GABARAPL1: variants seen among roughly 807,000 people sequenced by gnomAD.
GABARAPL1 encodes the protein GABA type A receptor associated protein like 1, also known as gamma-aminobutyric acid receptor-associated protein-like 1.
GABARAPL1 carries 4 observed loss-of-function variants against 14.5 expected under a neutral mutation model. That is an observed-to-expected ratio of 0.28 (90% CI 0.14 to 0.63). The LOEUF (loss-of-function observed/expected upper bound fraction) is 0.63, where lower values mean the gene tolerates loss of function less well. Among genes scored for constraint, GABARAPL1 ranks in the 30% least tolerant of loss-of-function variants. The pLI, the probability that GABARAPL1 is intolerant of heterozygous loss-of-function variation, is 0.84. For missense variants in GABARAPL1, 82 were observed against 139.2 expected, an observed-to-expected ratio of 0.59 and a Z score of 2.07; for synonymous variants, 47 against 50.6, an observed-to-expected ratio of 0.93 and a Z score of 0.30.
chr12:10,216,537 C>CTTTTTTTT (rs71049067), intron 1 of GABARAPL1, among the ~76,000 whole-genome samples: 7 of 112,206 alleles, frequency 6.2e-5, no homozygotes, highest in East Asian at 2.8e-4. Flanking sequence ...ATTTTCTTTT[C>CTTTTTTTT]TTTTTTTTTT....
chr12:10,221,286 C>T, intron 3 of GABARAPL1: 1 of 965,994 alleles, frequency 1.0e-6, no homozygotes, highest in Non-Finnish European at 1.2e-6. Context: ...TTGGAAGTGT[C>T]AGAATCTGAG....
At chr12:10,221,292 C>T (rs1348634105) in intron 3 of GABARAPL1, 1 of 967,902 alleles carries the variant, frequency 1.0e-6, no homozygotes, top group Non-Finnish European at 1.2e-6. Flanking sequence ...GTGTCAGAAT[C>T]TGAGGAAACT....
At chr12:10,213,763 G>A (rs1026590606) in intron 1 of GABARAPL1, 7 of 446,482 alleles carry the variant, frequency 1.6e-5, no homozygotes, top group South Asian at 1.1e-4. Context: ...GGTTAGGGGA[G>A]CACAAGACAG....
At chr12:10,218,266 G>C in intron 2 of GABARAPL1, 125 bp downstream of exon 2, 1 of 707,620 alleles carries the variant, frequency 1.4e-6, no homozygotes, top group Non-Finnish European at 2.6e-6. Context: ...GGATGCTCTG[G>C]AGTTATCTGA....
At chr12:10,219,183 T>C (rs1949106294) in intron 2 of GABARAPL1, among the ~76,000 whole-genome samples, 1 of 151,602 alleles carries the variant, frequency 6.6e-6, no homozygotes, top group Admixed American at 6.6e-5. Context: ...GCTGGGTGTG[T>C]TGTTGGGCAC....
chr12:10,217,394 C>T (rs1484030268), intron 1 of GABARAPL1, among the ~76,000 whole-genome samples: 1 of 152,096 alleles, frequency 6.6e-6, no homozygotes, highest in Non-Finnish European at 1.5e-5. Context: ...TACAGGTGAT[C>T]AGGACCATAT....
Position 10,212,923 on chromosome 12 carries a change from T to C in GABARAPL1, c.-207T>C. 1 of 523,742 alleles carries C rather than the reference T, an allele frequency of 1.9e-6. No homozygotes were observed. Among genetic ancestry groups the C allele is most frequent in the Non-Finnish European group, 3.4e-6 (1 of 290,424 alleles). The allele number at this position is 523,742 out of a possible 1,614,324, so 32.4% of individuals were successfully genotyped here. A position where few individuals can be genotyped will look rare whatever the true frequency, so the allele number is the denominator to read the frequency against. On this transcript the variant is annotated 5_prime_UTR_variant, in exon 1 of 4. Transcript: ENST00000266458. ...GCGAAAAGCCGCCGGTATTTCTCCA[T>C]CTGGCTCTCCTCTACCTCCAGGCAG...
chr12:10,213,079 G>T lies in GABARAPL1; in HGVS notation c.-51G>T. ...GCTGAGGGAGCGGGACAGGGTCAGC[G>T]GCGAAGGAGGCAGGCCCCGCGCGGG... On this transcript the variant is annotated 5_prime_UTR_variant, in exon 1 of 4. Transcript: ENST00000266458. 1.8e-6 allele frequency: 2 copies of T among 1,132,606 alleles called. No individual in the cohort carries two copies. The highest frequency in any genetic ancestry group is 1.3e-6 in the Non-Finnish European group (1 of 761,004). 70.2% of individuals were successfully genotyped at this position (1,132,606 alleles called of 1,614,324 possible). A position where few individuals can be genotyped will look rare whatever the true frequency, so the allele number is the denominator to read the frequency against.
intron 2 of GABARAPL1, among the ~76,000 whole-genome samples, chr12:10,219,667 G>C (rs927757725): frequency 2.6e-5 from 4 of 152,080 alleles, no homozygotes; most frequent in African/African-American, 9.7e-5. Flanking sequence ...GGGCATGGTG[G>C]CGCGTGCCTG....
chr12:10,213,219 C>A lies in GABARAPL1; in HGVS notation c.90C>A (p.Pro30=), dbSNP rs1197618910. 6.9e-7 allele frequency: 1 copy of A among 1,449,932 alleles called. No individual in the cohort carries two copies. The highest frequency in any genetic ancestry group is 9.4e-7 in the Non-Finnish European group (1 of 1,065,946). 89.8% of individuals were successfully genotyped at this position (1,449,932 alleles called of 1,614,324 possible). A position where few individuals can be genotyped will look rare whatever the true frequency, so the allele number is the denominator to read the frequency against. ...GGAAGAAATATCCGGACAGGGTCCC[C>A]GTGAGTGTAGAGGAGCGGAGGGGAT... is the stretch of plus-strand genomic sequence containing the variant. ...KIRKKYPDRV[P]VIVEKAPKAR... Residue 30 remains proline, a splice_region_variant and synonymous_variant, in exon 1 of 4, where the codon CCC becomes CCA. Coordinates refer to ENST00000266458, the MANE Select transcript of GABARAPL1 (RefSeq NM_031412.4).
chr12:10,213,229 G>A lies in GABARAPL1; in HGVS notation c.90+10G>A. ...TCCGGACAGGGTCCCCGTGAGTGTA[G>A]AGGAGCGGAGGGGATGGGAGGGGAA... On this transcript the variant is annotated intron_variant, in intron 1 of 3. Coordinates refer to ENST00000266458, the MANE Select transcript of GABARAPL1 (RefSeq NM_031412.4). The A allele has an allele frequency of 1.3e-6, 2 of 1,514,876 alleles. No individual in the cohort carries two copies. The highest frequency in any genetic ancestry group is 1.8e-6 in the Non-Finnish European group (2 of 1,108,904). The allele number at this position is 1,514,876 out of a possible 1,614,324, so 93.8% of individuals were successfully genotyped here.
At chr12:10,215,745 C>G (rs762094154) in intron 1 of GABARAPL1, among the ~76,000 whole-genome samples, 1 of 152,090 alleles carries the variant, frequency 6.6e-6, no homozygotes, top group Non-Finnish European at 1.5e-5. Flanking sequence ...CCTCTTTCTG[C>G]CTTTTCCTTT....
chr12:10,216,918 AT>A (rs1592004655), intron 1 of GABARAPL1, among the ~76,000 whole-genome samples: 1 of 152,198 alleles, frequency 6.6e-6, no homozygotes, highest in East Asian at 1.9e-4. Context: ...GTTTTAGTGT[AT>A]TAAAAATATC....
rs545001290 is a variant in GABARAPL1 at position 10,218,214 on chromosome 12, T to C, written c.169+73T>C. 2.8e-5 allele frequency: 24 copies of C among 866,388 alleles called. No homozygotes were observed. The South Asian group carries it at 3.0e-4, about 11-fold the overall frequency. The allele number at this position is 866,388 out of a possible 1,614,324, so 53.7% of individuals were successfully genotyped here. On this transcript the variant is annotated intron_variant, in intron 2 of 3. Transcript: ENST00000266458. ...CTAGATCCTCATTACATGCATGAGATTGTGAGATTGAGAGGCAGTACATAC... is the reference window on the plus strand; with the variant it reads ...CTAGATCCTCATTACATGCATGAGACTGTGAGATTGAGAGGCAGTACATAC...
intron 1 of GABARAPL1, chr12:10,213,764 C>T (rs1381772407): frequency 4.5e-6 from 2 of 446,498 alleles, no homozygotes; most frequent in African/African-American, 4.0e-5. Flanking sequence ...GTTAGGGGAG[C>T]ACAAGACAGT....
chr12:10,217,904 T>G (rs558409481), intron 1 of GABARAPL1, among the ~76,000 whole-genome samples, 159 bp from the exon 2 acceptor site: 1 of 152,098 alleles, frequency 6.6e-6, no homozygotes, highest in Non-Finnish European at 1.5e-5. Context: ...ATTTTTTTTG[T>G]ATAATTTTAT....
At chr12:10,218,201 T>C (rs576180251) in intron 2 of GABARAPL1, 60 bp downstream of exon 2, 2 of 921,788 alleles carry the variant, frequency 2.2e-6, no homozygotes, top group East Asian at 4.8e-5. Context: ...AGATCCTCAT[T>C]ACATGCATGA....
intron 1 of GABARAPL1, chr12:10,213,513 G>A: frequency 2.7e-6 from 1 of 373,346 alleles, no homozygotes; most frequent in Non-Finnish European, 5.1e-6. Flanking sequence ...AGCTGAGACC[G>A]TGTGTGGGTT....
intron 2 of GABARAPL1, among the ~76,000 whole-genome samples, 171 bp downstream of exon 2, chr12:10,218,312 G>T (rs1443881338): frequency 2.0e-5 from 3 of 152,146 alleles, no homozygotes; most frequent in Non-Finnish European, 4.4e-5. Context: ...CCTGGCTCAC[G>T]CCTGTAATCC....
Sources: gnomAD v4.1 joint callset for allele counts (sites outside exome capture counted in the v4.1 genomes callset) on GRCh38, gnomAD v4.1.1 for gene constraint, MANE v1.5 for transcripts, NCBI Gene and HGNC (gene_info 2026-07-23, HGNC 2026-07-21) for gene names.